The following HS6ST3 variants were observed in gnomAD, a reference collection of about 807,000 sequenced individuals.
The protein encoded by HS6ST3 is heparan-sulfate 6-O-sulfotransferase 3.
In HS6ST3, 12 loss-of-function variants were observed where a neutral mutation model predicts 36.7. That is an observed-to-expected ratio of 0.33 (90% confidence interval 0.21 to 0.53). The LOEUF is 0.53. Ranked by LOEUF, HS6ST3 falls within the 20% of genes least tolerant of loss-of-function variation. The probability of loss-of-function intolerance (pLI) is 0.95; values close to 1 mark genes in which losing one functional copy is unlikely to be tolerated. For synonymous variants in HS6ST3, 240 were observed against 257.5 expected, an observed-to-expected ratio of 0.93 and a Z score of 0.65; for missense variants, 584 against 640.9, an observed-to-expected ratio of 0.91 and a Z score of 0.96.
chr13:96,328,848 A>G (rs1207668281), intron 1 of HS6ST3, among the ~76,000 whole-genome samples: 1 of 152,076 alleles, frequency 6.6e-6, no homozygotes, highest in African/African-American at 2.4e-5. Flanking sequence ...GATTATTGCC[A>G]CAATTTCAGA....
intron 1 of HS6ST3, among the ~76,000 whole-genome samples, chr13:96,122,110 G>GTATTATTATTATTATTATTATTAT (rs55776008): frequency 6.2e-5 from 9 of 145,180 alleles, no homozygotes; most frequent in South Asian, 4.4e-4. Flanking sequence ...ACCCTTTCAG[G>GTATTATTATTATTATTATTATTAT]TATTATTATT....
chr13:96,598,402 T>C (rs1252921576), intron 1 of HS6ST3, among the ~76,000 whole-genome samples: 1 of 152,126 alleles, frequency 6.6e-6, no homozygotes, highest in African/African-American at 2.4e-5. Flanking sequence ...TGGTTAGATA[T>C]ATTCCTAGAT....
At chr13:96,787,655 G>A (rs553268224) in intron 1 of HS6ST3, among the ~76,000 whole-genome samples, 1 of 151,848 alleles carries the variant, frequency 6.6e-6, no homozygotes, top group Admixed American at 6.6e-5. Flanking sequence ...TATGTATTTT[G>A]TAATCACCTC....
chr13:96,392,646 C>T (rs746506511), intron 1 of HS6ST3, among the ~76,000 whole-genome samples: 3 of 152,142 alleles, frequency 2.0e-5, no homozygotes, highest in East Asian at 1.9e-4. Context: ...CAAATGGGTG[C>T]GCAGTCTGTG....
At chr13:96,481,250 G>C (rs2055888749) in intron 1 of HS6ST3, among the ~76,000 whole-genome samples, 1 of 152,112 alleles carries the variant, frequency 6.6e-6, no homozygotes, top group Admixed American at 6.5e-5. Context: ...AGGCTGTTGA[G>C]AAAAACGTGT....
At chr13:96,323,611 C>A (rs1401422285) in intron 1 of HS6ST3, among the ~76,000 whole-genome samples, 1 of 152,182 alleles carries the variant, frequency 6.6e-6, no homozygotes, top group Non-Finnish European at 1.5e-5. Flanking sequence ...CACACCCTCT[C>A]AGGACCTTTG....
intron 1 of HS6ST3, among the ~76,000 whole-genome samples, chr13:96,151,042 C>G (rs2054082405): frequency 6.6e-6 from 1 of 152,082 alleles, no homozygotes; most frequent in South Asian, 2.1e-4. Context: ...GCAGATATGC[C>G]TACCAACAGG....
intron 1 of HS6ST3, among the ~76,000 whole-genome samples, chr13:96,556,932 G>A (rs2056243288): frequency 6.6e-6 from 1 of 152,152 alleles, no homozygotes; most frequent in Admixed American, 6.6e-5. Flanking sequence ...TTTGTCAGCA[G>A]CAGCAGCTAC....
At chr13:96,709,714 A>G (rs1415129154) in intron 1 of HS6ST3, among the ~76,000 whole-genome samples, 1 of 152,184 alleles carries the variant, frequency 6.6e-6, no homozygotes, top group African/African-American at 2.4e-5. Flanking sequence ...TGTAGCCTTT[A>G]TAACTATGAG....
At chr13:96,198,235 C>T (rs748533333) in intron 1 of HS6ST3, among the ~76,000 whole-genome samples, 172 of 152,278 alleles carry the variant, frequency 1.1e-3, no homozygotes, top group Non-Finnish European at 1.1e-3. Context: ...TGTGGGGACC[C>T]TGGGCCTGGC....
chr13:96,463,563 A>G (rs145368602), intron 1 of HS6ST3, among the ~76,000 whole-genome samples: 52 of 152,318 alleles, frequency 3.4e-4, no homozygotes, highest in Non-Finnish European at 5.9e-4. Flanking sequence ...CAAGACACAA[A>G]TAATACAAGA....
intron 1 of HS6ST3, among the ~76,000 whole-genome samples, chr13:96,819,300 A>T (rs557509428): frequency 3.9e-4 from 60 of 152,188 alleles, no homozygotes; most frequent in Non-Finnish European, 6.9e-4. Flanking sequence ...GACTTTATTT[A>T]CCTCCAGACT....
chr13:96,124,017 A>G (rs185446766), intron 1 of HS6ST3, among the ~76,000 whole-genome samples: 84 of 152,336 alleles, frequency 5.5e-4, no homozygotes, highest in African/African-American at 1.7e-3. Context: ...AATCGTATGC[A>G]TGGGCAGTTT....
At position 96,836,080 on chromosome 13, in the gene HS6ST3, CAG is replaced by C. The variant is rs1043798177; in HGVS notation, c.*2883_*2884del. On this transcript the variant is annotated 3_prime_UTR_variant, in exon 2 of 2. Coordinates refer to ENST00000376705, the MANE Select transcript of HS6ST3 (RefSeq NM_153456.4). ...GCCCACTTCCATGCTGAGTGATGCT[CAG>C]GGAAGTGATGCCCGCAGAAGGCGTC... is the stretch of plus-strand genomic sequence containing the variant. 6.6e-6 allele frequency: 1 copy of C among 152,220 alleles called. No homozygotes were observed. Among genetic ancestry groups the C allele is most frequent in the Non-Finnish European group, 1.5e-5 (1 of 68,056 alleles). The allele number at this position is 152,220 out of a possible 1,614,324, so 9.4% of individuals were successfully genotyped here.
At chr13:96,636,912 A>G (rs1358021078) in intron 1 of HS6ST3, among the ~76,000 whole-genome samples, 1 of 152,088 alleles carries the variant, frequency 6.6e-6, no homozygotes, top group Admixed American at 6.6e-5. Context: ...AGGGAGTTTA[A>G]TTTAAATATC....
At chr13:96,352,061 G>C (rs2055186646) in intron 1 of HS6ST3, among the ~76,000 whole-genome samples, 1 of 152,152 alleles carries the variant, frequency 6.6e-6, no homozygotes, top group Non-Finnish European at 1.5e-5. Flanking sequence ...AAAGACAGAA[G>C]TTCTACTTAG....
chr13:96,700,373 T>G (rs1875252742), intron 1 of HS6ST3, among the ~76,000 whole-genome samples: 2 of 152,048 alleles, frequency 1.3e-5, no homozygotes, highest in South Asian at 4.2e-4. Flanking sequence ...TCCAATTATC[T>G]CCCACCAGGT....
chr13:96,247,220 C>T (rs1311104120), intron 1 of HS6ST3, among the ~76,000 whole-genome samples: 1 of 152,044 alleles, frequency 6.6e-6, no homozygotes, highest in African/African-American at 2.4e-5. Context: ...ACCCTTTCCT[C>T]TTGGTGGCAA....
At chr13:96,366,585 T>C (rs1351597913) in intron 1 of HS6ST3, among the ~76,000 whole-genome samples, 1 of 152,110 alleles carries the variant, frequency 6.6e-6, no homozygotes, top group Non-Finnish European at 1.5e-5. Context: ...TGGGTGCACA[T>C]CAGAATCATC....
Sources: gnomAD v4.1 joint callset for allele counts (sites outside exome capture counted in the v4.1 genomes callset) on GRCh38, gnomAD v4.1.1 for gene constraint, MANE v1.5 for transcripts, NCBI Gene and HGNC (gene_info 2026-07-23, HGNC 2026-07-21) for gene names.